The following B3GLCT variants were observed in gnomAD, a reference collection of about 807,000 sequenced individuals.
The protein encoded by B3GLCT is beta 3-glucosyltransferase.
B3GLCT carries 65 observed loss-of-function variants against 63.4 expected under a neutral mutation model. The ratio of observed to expected loss-of-function variants is 1.03; its 90% CI spans 0.84 to 1.26. The LOEUF (loss-of-function observed/expected upper bound fraction) is 1.26. Ranked by LOEUF, B3GLCT falls within the 50% of genes most tolerant of loss-of-function variation. The probability of loss-of-function intolerance (pLI) is 0.00; values close to 1 mark genes in which losing one functional copy is unlikely to be tolerated. For missense variants in B3GLCT, 577 were observed against 604.8 expected (o/e 0.95, Z 0.48); for synonymous variants, 233 against 219.2 (o/e 1.06, Z -0.55).
intron 10 of B3GLCT, among the ~76,000 whole-genome samples, chr13:31,277,012 T>C (rs551771976): frequency 1.8e-4 from 28 of 152,298 alleles, no homozygotes; most frequent in African/African-American, 6.7e-4. Flanking sequence ...TATGGCAGTA[T>C]TTTAAATTGG....
chr13:31,316,407 T>TTATATATATATATATATATATATATA (rs71099949), intron 12 of B3GLCT, among the ~76,000 whole-genome samples: 460 of 40,666 alleles, frequency 0.011, 47 homozygotes, highest in Middle Eastern at 0.024. Context: ...TTTGGAGGTT[T>TTATATATATATATATATATATATATA]TATATATATA....
chr13:31,271,757 G>A (rs888733504), intron 8 of B3GLCT, among the ~76,000 whole-genome samples: 1 of 151,684 alleles, frequency 6.6e-6, no homozygotes, highest in Admixed American at 6.6e-5. Flanking sequence ...CTTTTGTTTT[G>A]TCTGCTTATC....
chr13:31,276,567 A>C (rs1872794646), intron 9 of B3GLCT, 135 bp from the exon 10 acceptor site: 1 of 698,296 alleles, frequency 1.4e-6, no homozygotes, highest in African/African-American at 1.8e-5. Context: ...TTTCTCCCCT[A>C]AAACTTTATG....
At chr13:31,264,497 A>G in intron 7 of B3GLCT, among the ~76,000 whole-genome samples, 1 of 152,130 alleles carries the variant, frequency 6.6e-6, no homozygotes, top group East Asian at 1.9e-4. Context: ...AAAGCAAAAT[A>G]AATATGCAGA....
At chr13:31,235,010 G>A (rs569089871) in intron 4 of B3GLCT, among the ~76,000 whole-genome samples, 387 of 152,196 alleles carry the variant, frequency 2.5e-3, no homozygotes, top group Non-Finnish European at 4.2e-3. Context: ...TGCACAGGGC[G>A]GGTTGCAGAC....
In B3GLCT at chr13:31,329,889, T is replaced by C. The variant is rs1309731979; in HGVS notation, c.*221T>C. ...GGAAAAATCACTTGCTTTTGACTTA[T>C]GCAGTTGTTTTAACACTTAGTGATG... On this transcript the variant is annotated 3_prime_UTR_variant, in exon 15 of 15. Transcript: ENST00000343307. 5.3e-6 allele frequency: 3 copies of C among 567,152 alleles called. No individual in the cohort carries two copies. The highest frequency in any genetic ancestry group is 2.0e-5 in the South Asian group (1 of 50,158). The allele number at this position is 567,152 out of a possible 1,614,324, so 35.1% of individuals were successfully genotyped here. A position where few individuals can be genotyped will look rare whatever the true frequency, so the allele number is the denominator to read the frequency against.
chr13:31,297,183 T>C (rs1212073323), intron 12 of B3GLCT, among the ~76,000 whole-genome samples: 1 of 152,162 alleles, frequency 6.6e-6, no homozygotes, highest in Non-Finnish European at 1.5e-5. Flanking sequence ...ATTCATCTGT[T>C]GATGGACACT....
intron 6 of B3GLCT, among the ~76,000 whole-genome samples, chr13:31,250,940 C>T (rs1377981454): frequency 3.9e-5 from 6 of 152,112 alleles, no homozygotes; most frequent in South Asian, 2.1e-4. Flanking sequence ...CAGTAGGGGC[C>T]GACAGACACC....
intron 1 of B3GLCT, among the ~76,000 whole-genome samples, chr13:31,205,946 T>G (rs1181677502): frequency 6.6e-6 from 1 of 152,336 alleles, no homozygotes; most frequent in East Asian, 1.9e-4. Flanking sequence ...CCTAGGGATA[T>G]GACTTATTTT....
At chr13:31,231,378 C>A (rs1870373447) in intron 4 of B3GLCT, among the ~76,000 whole-genome samples, 1 of 152,182 alleles carries the variant, frequency 6.6e-6, no homozygotes, top group Admixed American at 6.5e-5. Context: ...CCTGCATGTG[C>A]CCCTGCTCCC....
At chr13:31,309,339 C>T (rs987765365) in intron 12 of B3GLCT, among the ~76,000 whole-genome samples, 4 of 152,198 alleles carry the variant, frequency 2.6e-5, no homozygotes, top group Non-Finnish European at 5.9e-5. Context: ...AATTTCTTCT[C>T]CCCAGCAAAC....
chr13:31,271,109 C>A (rs1027946383), intron 8 of B3GLCT, among the ~76,000 whole-genome samples: 1 of 152,242 alleles, frequency 6.6e-6, no homozygotes, highest in Non-Finnish European at 1.5e-5. Context: ...CCACTGCAGG[C>A]ATGCCTAGGC....
rs1875886120 is a variant in B3GLCT, at chr13:31,330,829, T to G, written c.*1161T>G. The G allele has an allele frequency of 6.6e-6, 1 of 151,836 alleles. No homozygotes were observed. Among genetic ancestry groups the G allele is most frequent in the Admixed American group, 6.5e-5 (1 of 15,268 alleles). 9.4% of individuals were successfully genotyped at this position (151,836 alleles called of 1,614,324 possible). On this transcript the variant is annotated 3_prime_UTR_variant, in exon 15 of 15. Coordinates refer to ENST00000343307, the MANE Select transcript of B3GLCT (RefSeq NM_194318.4). ...CTTAAACTAATTTTGGTAAATTACT[T>G]CTTTTTTTTCTTTTTAATAAAAACT... is the stretch of plus-strand genomic sequence containing the variant.
intron 4 of B3GLCT, among the ~76,000 whole-genome samples, chr13:31,244,272 A>T (rs145841931): frequency 6.6e-6 from 1 of 152,166 alleles, no homozygotes; most frequent in African/African-American, 2.4e-5. Context: ...CGGGTGGATC[A>T]CCTGAAATCA....
chr13:31,253,955 G>A (rs1871582670), intron 6 of B3GLCT, among the ~76,000 whole-genome samples: 1 of 151,822 alleles, frequency 6.6e-6, no homozygotes, highest in South Asian at 2.1e-4. Context: ...TAAATTCCTG[G>A]ACACATGCAA....
At chr13:31,270,001 C>T (rs1436957705) in intron 8 of B3GLCT, among the ~76,000 whole-genome samples, 1 of 152,174 alleles carries the variant, frequency 6.6e-6, no homozygotes, top group Non-Finnish European at 1.5e-5. Context: ...TGTGTCTGTG[C>T]TTGGCTGTCT....
At chr13:31,250,308 G>A (rs1871369801) in intron 6 of B3GLCT, among the ~76,000 whole-genome samples, 1 of 152,084 alleles carries the variant, frequency 6.6e-6, no homozygotes. Flanking sequence ...CAAGTAGCTG[G>A]GATTACAGTC....
chr13:31,201,616 G>T lies in B3GLCT; in HGVS notation c.70+1462G>T, dbSNP rs538922503. On this transcript the variant is annotated intron_variant, in intron 1 of 14. Transcript: ENST00000343307. ...GGATGTTTTGCAACTAACCAAATGG[G>T]TGGGTGGTAGCTGAAATTGGTATTC... Among the ~76,000 whole-genome samples, 21 of 152,326 alleles carry T rather than the reference G, an allele frequency of 1.4e-4. 1 individual carries two copies. Among genetic ancestry groups the T allele is most frequent in the Admixed American group, 1.2e-3 (19 of 15,300 alleles).
rs774081243 is a variant in B3GLCT at position 31,242,214 on chromosome 13, G to A, written c.271-4809G>A. 3.3e-5 allele frequency among the ~76,000 whole-genome samples: 5 copies of A among 152,128 alleles called. No individual in the cohort carries two copies. In the South Asian group the frequency reaches 6.2e-4, roughly 19 times the overall value. ...CTTGCAGGTGGGGCCATGATCCCTC[G>A]TGCAGCAGAGCCATGTTGATAGGTA... On this transcript the variant is annotated intron_variant, in intron 4 of 14. Transcript: ENST00000343307.
Sources: gnomAD v4.1 joint callset for allele counts (sites outside exome capture counted in the v4.1 genomes callset) on GRCh38, gnomAD v4.1.1 for gene constraint, MANE v1.5 for transcripts, NCBI Gene and HGNC (gene_info 2026-07-23, HGNC 2026-07-21) for gene names.